Variants in ZNF718 observed in about 807,000 individuals in gnomAD.
The protein encoded by ZNF718 is zinc finger protein 718.
ZNF718 carries 3 observed loss-of-function variants against 2.6 expected under a neutral mutation model. The observed-to-expected ratio is 1.16, with a 90% CI of 0.53 to 3.01. The LOEUF (loss-of-function observed/expected upper bound fraction) is 3.01. Ranked by LOEUF, ZNF718 falls within the 30% of genes most tolerant of loss-of-function variation. The pLI is 0.03. For missense variants in ZNF718, 468 were observed against 230.0 expected (o/e 2.03, Z -6.69); for synonymous variants, 135 against 77.9 (o/e 1.73, Z -3.86).
intron 3 of ZNF718, among the ~76,000 whole-genome samples, chr4:143,645 T>C (rs564101443): frequency 6.6e-6 from 1 of 152,118 alleles, no homozygotes; most frequent in East Asian, 1.9e-4. Flanking sequence ...CTCCTGCAAA[T>C]CTCTGTAACA....
intron 3 of ZNF718, among the ~76,000 whole-genome samples, chr4:134,594 A>G (rs971311259): frequency 1.3e-5 from 2 of 152,066 alleles, no homozygotes; most frequent in African/African-American, 2.4e-5. Flanking sequence ...CTAATGGAAT[A>G]TTTTTCCATT....
downstream of ZNF718, among the ~76,000 whole-genome samples, chr4:165,000 C>T (rs1367267206): frequency 6.6e-6 from 1 of 152,116 alleles, no homozygotes; most frequent in Non-Finnish European, 1.5e-5. Context: ...CATCTGTTCC[C>T]AGGCTGTAAA....
In ZNF718 at chr4:131,917, C is replaced by T. The variant is rs1264969673; in HGVS notation, c.226+412C>T. Among the ~76,000 whole-genome samples the T allele has an allele frequency of 3.0e-5, 3 of 100,952 alleles. 1 individual carries two copies. The highest frequency in any genetic ancestry group is 6.6e-5 in the Non-Finnish European group (3 of 45,702). 66.2% of individuals were successfully genotyped at this position (100,952 alleles called of 152,430 possible). The stretch of plus-strand genomic sequence containing the variant: ...AAAATTAGCCGGGTGTGGTGGCGGG[C>T]GCCTGTAGTCCCAGCTACTCAGGAG... On this transcript the variant is annotated intron_variant, in intron 3 of 3. Coordinates refer to ENST00000510175, the MANE Select transcript of ZNF718 (RefSeq NM_001039127.6).
chr4:173,595 GAA>G (rs1160816639), intron 3 of ZNF718, among the ~76,000 whole-genome samples: 1 of 152,098 alleles, frequency 6.6e-6, no homozygotes, highest in African/African-American at 2.4e-5. Flanking sequence ...CATCTGAAAA[GAA>G]AAAGGAATTT....
intron 3 of ZNF718, among the ~76,000 whole-genome samples, chr4:178,797 T>G (rs1380886135): frequency 6.6e-6 from 1 of 152,220 alleles, no homozygotes; most frequent in Admixed American, 6.5e-5. Context: ...GGATGTTAAT[T>G]CCTGTCGAAT....
intron 3 of ZNF718, among the ~76,000 whole-genome samples, chr4:170,095 C>A (rs1304450748): frequency 8.5e-5 from 13 of 152,088 alleles, no homozygotes; most frequent in African/African-American, 2.9e-4. Context: ...TTTATTTCTC[C>A]TTCACTTATG....
intron 3 of ZNF718, among the ~76,000 whole-genome samples, chr4:148,862 G>A (rs1553811949): frequency 2.6e-5 from 4 of 152,076 alleles, no homozygotes. Context: ...GATAGTGGCA[G>A]GAACAAAACC....
Position 162,686 on chromosome 4 carries a change from GAA to G in ZNF718, c.*565_*566del, listed in dbSNP as rs1716949024. The G allele has an allele frequency of 6.6e-6, 1 of 152,158 alleles. No individual in the cohort carries two copies. The highest frequency in any genetic ancestry group is 6.6e-5 in the Admixed American group (1 of 15,266). 9.4% of individuals were successfully genotyped at this position (152,158 alleles called of 1,614,324 possible). On this transcript the variant is annotated 3_prime_UTR_variant, in exon 4 of 4. Coordinates refer to ENST00000510175, the MANE Select transcript of ZNF718 (RefSeq NM_001039127.6). ...ATATTTCATACTAGAAGAAAACCCT[GAA>G]GCAGTTGCCCAAACTTTCTTTGACA...
rs145623089 is a variant in ZNF718 at position 198,897 on chromosome 4, C to G, written c.227-2184C>G. Among the ~76,000 whole-genome samples, 666 of 152,282 alleles carry G rather than the reference C, an allele frequency of 4.4e-3. 3 individuals carry two copies. The highest frequency in any genetic ancestry group is 0.015 in the African/African-American group (635 of 41,548). On this transcript the variant is annotated intron_variant and NMD_transcript_variant, in intron 3 of 4. Coordinates refer to the ZNF718 transcript ENST00000642529. ...ACCATAACATGTTACATTATTAACT[C>G]ACTTAAGGGACTCCATGAGGCAGGT...
rs1257432997 is a variant in ZNF718, at chr4:180,420, G to A, written c.227-20661G>A. 3.9e-5 allele frequency among the ~76,000 whole-genome samples: 6 copies of A among 152,288 alleles called. 1 individual carries two copies. The highest frequency in any genetic ancestry group is 8.8e-5 in the Non-Finnish European group (6 of 68,020). ...TCTGAACAGGGATCCTGGCCAAGAG[G>A]AGGAATTCTCCAGAAAGGAGCCAGG... On this transcript the variant is annotated intron_variant and NMD_transcript_variant, in intron 3 of 4. Coordinates refer to the ZNF718 transcript ENST00000642529.
intron 3 of ZNF718, among the ~76,000 whole-genome samples, chr4:176,117 A>G (rs1046167690): frequency 6.6e-6 from 1 of 152,048 alleles, no homozygotes; most frequent in African/African-American, 2.4e-5. Context: ...TATAAGCTCT[A>G]ATTGCCCACA....
intron 3 of ZNF718, among the ~76,000 whole-genome samples, chr4:173,997 C>T (rs1192320202): frequency 1.3e-5 from 2 of 151,988 alleles, no homozygotes; most frequent in African/African-American, 2.4e-5. Context: ...TCGTAGGCCC[C>T]CAAGTAGAGA....
At position 161,488 on chromosome 4, in the gene ZNF718, C is replaced by A. The variant is rs782716618; in HGVS notation, c.803C>A (p.Ser268Ter). Residue 268 changes from serine to a stop codon, truncating the protein, a stop_gained, in exon 4 of 4, where the codon TCA becomes TAA. Transcript: ENST00000510175. LOFTEE classifies it low-confidence loss of function (END_TRUNC). ...EKCGKAFNQS[S>*]TLNLHKRIHS... ...TGTGGTAAAGCTTTTAACCAATCCT[C>A]AACCCTTAATTTACATAAGAGAATT... 1 of 776,480 alleles carries A rather than the reference C, an allele frequency of 1.3e-6. No homozygotes were observed. Among genetic ancestry groups the A allele is most frequent in the Non-Finnish European group, 2.4e-6 (1 of 414,486 alleles). 48.1% of individuals were successfully genotyped at this position (776,480 alleles called of 1,614,324 possible). A position where few individuals can be genotyped will look rare whatever the true frequency, so the allele number is the denominator to read the frequency against.
chr4:128,549 G>A lies in ZNF718; in HGVS notation c.4-2239G>A, dbSNP rs1331891363. ...TCAGGGACAGGGGATATCACATCTGGAGCCAAGATGTGCAGGACCACCAGG... is the reference window on the plus strand; with the variant it reads ...TCAGGGACAGGGGATATCACATCTGAAGCCAAGATGTGCAGGACCACCAGG... On this transcript the variant is annotated intron_variant, in intron 1 of 3. Coordinates refer to ENST00000510175, the MANE Select transcript of ZNF718 (RefSeq NM_001039127.6). Among the ~76,000 whole-genome samples the A allele has an allele frequency of 2.0e-4, 20 of 102,434 alleles. 6 individuals are homozygous for A. The highest frequency in any genetic ancestry group is 6.8e-4 in the African/African-American group (20 of 29,382). 67.2% of individuals were successfully genotyped at this position (102,434 alleles called of 152,430 possible).
chr4:196,594 C>T (rs1553822059), intron 3 of ZNF718, among the ~76,000 whole-genome samples: 1 of 152,152 alleles, frequency 6.6e-6, no homozygotes, highest in Non-Finnish European at 1.5e-5. Flanking sequence ...GGGGTGCATG[C>T]ATAGGCAACT....
rs1306060473 is a variant in ZNF718 at position 130,609 on chromosome 4, G to A, written c.4-179G>A. On this transcript the variant is annotated intron_variant, in intron 1 of 3. Coordinates refer to ENST00000510175, the MANE Select transcript of ZNF718 (RefSeq NM_001039127.6). ...AAACAAAAATTAGCCAGGCATGGTG[G>A]CGGGTGCCTGTAATCCCAGCTATTC... Among the ~76,000 whole-genome samples the A allele has an allele frequency of 1.9e-5, 2 of 102,564 alleles. 1 individual carries two copies. Among genetic ancestry groups the A allele is most frequent in the African/African-American group, 6.8e-5 (2 of 29,360 alleles). 67.3% of individuals were successfully genotyped at this position (102,564 alleles called of 152,430 possible).
chr4:161,885 T>A lies in ZNF718; in HGVS notation c.1200T>A (p.Cys400Ter), dbSNP rs7692722. ...SGKNPYKCED[C>*]GKAFKVFANL... ...AAAATCCCTACAAATGTGAAGATTGTGGCAAAGCCTTTAAAGTGTTTGCAA... is the reference window on the plus strand; with the variant it reads ...AAAATCCCTACAAATGTGAAGATTGAGGCAAAGCCTTTAAAGTGTTTGCAA... Residue 400 changes from cysteine (C) to a stop codon, truncating the protein, a stop_gained, in exon 4 of 4, where the codon TGT becomes TGA. Transcript: ENST00000510175. LOFTEE classifies it low-confidence loss of function (END_TRUNC). 2,894 of 780,732 alleles carry A rather than the reference T, an allele frequency of 3.7e-3. 62 individuals are homozygous for A. The African/African-American group carries it at 0.043, about 12-fold the overall frequency. 48.4% of individuals were successfully genotyped at this position (780,732 alleles called of 1,614,324 possible).
chr4:139,980 C>T (rs1404772273), intron 3 of ZNF718, among the ~76,000 whole-genome samples: 1 of 151,746 alleles, frequency 6.6e-6, no homozygotes, highest in African/African-American at 2.4e-5. Context: ...GTCTTTAAGT[C>T]GCTGTTTATA....
chr4:189,063 T>A (rs914108621), intron 3 of ZNF718, among the ~76,000 whole-genome samples: 14 of 149,958 alleles, frequency 9.3e-5, no homozygotes, highest in African/African-American at 2.2e-4. Context: ...TAGATTATTT[T>A]TTTTTTTTTT....
Sources: allele counts gnomAD v4.1 joint callset (sites outside exome capture counted in the v4.1 genomes callset), GRCh38; gene constraint gnomAD v4.1.1; transcripts MANE v1.5; gene names NCBI Gene and HGNC (gene_info 2026-07-23, HGNC 2026-07-21).